Variants in FNDC3B observed in about 807,000 individuals in gnomAD.
The protein encoded by FNDC3B is fibronectin type III domain containing 3B, also known as fibronectin type III domain-containing protein 3B.
FNDC3B carries 12 observed loss-of-function variants against 151.5 expected under a neutral mutation model. The ratio of observed to expected loss-of-function variants is 0.08; its 90% CI spans 0.05 to 0.13. FNDC3B has a LOEUF of 0.13. Ranked by LOEUF, FNDC3B falls within the 10% of genes least tolerant of loss-of-function variation. The probability of loss-of-function intolerance (pLI) is 1.00; values close to 1 mark genes in which losing one functional copy is unlikely to be tolerated. For missense variants in FNDC3B, 1,214 were observed against 1,505.3 expected, an observed-to-expected ratio of 0.81 and a Z score of 3.20; for synonymous variants, 528 against 549.0, an observed-to-expected ratio of 0.96 and a Z score of 0.54.
chr3:172,336,908 G>GAAAAAAAAA (rs796333616), intron 15 of FNDC3B, among the ~76,000 whole-genome samples: 1 of 120,078 alleles, frequency 8.3e-6, no homozygotes, highest in African/African-American at 3.0e-5. Flanking sequence ...ATCTCAGACG[G>GAAAAAAAAA]AAAAAAAAAA....
chr3:172,344,012 G>T (rs1486331303), intron 18 of FNDC3B, 74 bp from the exon 19 acceptor site: 3 of 1,418,062 alleles, frequency 2.1e-6, no homozygotes, highest in Non-Finnish European at 2.9e-6. Context: ...TGCTCAACTT[G>T]TGTGAAATCT....
chr3:172,115,168 T>A (rs1559972669), intron 2 of FNDC3B, among the ~76,000 whole-genome samples: 1 of 152,214 alleles, frequency 6.6e-6, no homozygotes, highest in Non-Finnish European at 1.5e-5. Context: ...CCATCCTGTG[T>A]CTCCTCATTC....
At chr3:172,367,321 G>A (rs1232647839) in intron 23 of FNDC3B, among the ~76,000 whole-genome samples, 18 of 151,926 alleles carry the variant, frequency 1.2e-4, no homozygotes, top group Admixed American at 1.2e-3. Flanking sequence ...GCCTTATGAG[G>A]TATGTGGACT....
chr3:172,109,457 G>A (rs533562445), intron 1 of FNDC3B, among the ~76,000 whole-genome samples: 6 of 151,722 alleles, frequency 4.0e-5, no homozygotes, highest in African/African-American at 7.3e-5. Context: ...TGAGCCCCGC[G>A]CCCGGCCGAA....
intron 6 of FNDC3B, among the ~76,000 whole-genome samples, chr3:172,274,849 G>A (rs556583747): frequency 6.6e-6 from 1 of 152,096 alleles, no homozygotes; most frequent in African/African-American, 2.4e-5. Flanking sequence ...CTCTTCTAAG[G>A]ACACCTGTCA....
At chr3:172,074,317 G>A (rs750438083) in intron 1 of FNDC3B, among the ~76,000 whole-genome samples, 21 of 152,186 alleles carry the variant, frequency 1.4e-4, no homozygotes, top group South Asian at 2.1e-4. Flanking sequence ...TGTGAATTCC[G>A]TAACTCAGAA....
intron 2 of FNDC3B, among the ~76,000 whole-genome samples, chr3:172,117,640 G>A (rs1720331707): frequency 6.6e-6 from 1 of 152,200 alleles, no homozygotes; most frequent in Non-Finnish European, 1.5e-5. Context: ...TGACCTGCAT[G>A]AGAGTAGTGT....
At position 172,278,816 on chromosome 3, in the gene FNDC3B, A is replaced by T. The variant is rs936214350; in HGVS notation, c.791-7110A>T. On this transcript the variant is annotated intron_variant, in intron 6 of 25. Coordinates refer to ENST00000415807, the MANE Select transcript of FNDC3B (RefSeq NM_022763.4). Reference sequence around the variant, plus strand: ...GTGGCGCACACTCGTAATCCCAGCTACTCAGGGGGCTGAGGCAGAAAAATC... The same window carrying T: ...GTGGCGCACACTCGTAATCCCAGCTTCTCAGGGGGCTGAGGCAGAAAAATC... Among the ~76,000 whole-genome samples, 3 of 152,058 alleles carry T rather than the reference A, an allele frequency of 2.0e-5. No individual in the cohort carries two copies. The East Asian group carries it at 5.8e-4, about 29-fold the overall frequency.
intron 3 of FNDC3B, among the ~76,000 whole-genome samples, chr3:172,154,359 G>A (rs1243068651): frequency 1.3e-5 from 2 of 152,120 alleles, no homozygotes; most frequent in Admixed American, 1.3e-4. Flanking sequence ...GGGACTACAG[G>A]TGCGTGCCAC....
chr3:172,307,276 A>G lies in FNDC3B; in HGVS notation c.1062-87A>G, dbSNP rs1032840661. 3 of 1,382,742 alleles carry G rather than the reference A, an allele frequency of 2.2e-6. No individual in the cohort carries two copies. The African/African-American group carries it at 4.3e-5, about 20-fold the overall frequency. 85.7% of individuals were successfully genotyped at this position (1,382,742 alleles called of 1,614,324 possible). On this transcript the variant is annotated intron_variant, in intron 9 of 25. Transcript: ENST00000415807. ...ACTCCGTAAGAAATTCTGTTCATCTACAGAAAGCCTTAGGGTGAAACAAAG... is the reference window on the plus strand; with the variant it reads ...ACTCCGTAAGAAATTCTGTTCATCTGCAGAAAGCCTTAGGGTGAAACAAAG...
chr3:172,359,036 G>A (rs1256999824), intron 22 of FNDC3B, among the ~76,000 whole-genome samples: 4 of 150,162 alleles, frequency 2.7e-5, no homozygotes, highest in Non-Finnish European at 4.4e-5. Context: ...GCGGTGGTGT[G>A]TGTTAAGGCT....
chr3:172,281,348 C>G (rs879488366), intron 6 of FNDC3B, among the ~76,000 whole-genome samples: 1 of 151,956 alleles, frequency 6.6e-6, no homozygotes, highest in South Asian at 2.1e-4. Context: ...CGGGTTCAAG[C>G]GATCTCCTGC....
intron 3 of FNDC3B, among the ~76,000 whole-genome samples, chr3:172,185,932 G>T (rs900482232): frequency 1.3e-5 from 2 of 152,150 alleles, no homozygotes; most frequent in Non-Finnish European, 2.9e-5. Context: ...TGATTTAGGG[G>T]ACCACACTTT....
chr3:172,341,403 GA>G (rs1184296871), intron 17 of FNDC3B, among the ~76,000 whole-genome samples, 172 bp downstream of exon 17: 4 of 152,312 alleles, frequency 2.6e-5, no homozygotes, highest in African/African-American at 9.6e-5. Flanking sequence ...AGAGGTATAA[GA>G]TAGGCCTAAA....
chr3:172,073,257 G>A (rs947555915), intron 1 of FNDC3B, among the ~76,000 whole-genome samples: 1 of 152,160 alleles, frequency 6.6e-6, no homozygotes, highest in African/African-American at 2.4e-5. Flanking sequence ...TGGAGAGAAG[G>A]TTCCTCCCAA....
chr3:172,100,893 A>T (rs559321576), intron 1 of FNDC3B, among the ~76,000 whole-genome samples: 1 of 152,336 alleles, frequency 6.6e-6, no homozygotes, highest in African/African-American at 2.4e-5. Flanking sequence ...ACCATGCAGG[A>T]GTGAGAATCA....
In FNDC3B at chr3:172,152,959, T is replaced by C. The variant is rs114587594; in HGVS notation, c.187+19413T>C. Among the ~76,000 whole-genome samples, 718 of 152,284 alleles carry C rather than the reference T, an allele frequency of 4.7e-3. 6 individuals are homozygous for C. Among genetic ancestry groups the C allele is most frequent in the African/African-American group, 0.017 (697 of 41,548 alleles). ...TGAGGTATTATGATGACATCTGGCA[T>C]GGCTTCTTTGTTTACTGTGTTTACC... On this transcript the variant is annotated intron_variant, in intron 3 of 25. Coordinates refer to ENST00000415807, the MANE Select transcript of FNDC3B (RefSeq NM_022763.4).
In FNDC3B at chr3:172,281,308, C is replaced by T. The variant is rs189644840; in HGVS notation, c.791-4618C>T. ...TTGCCCAGGCTGGAGTGCAGTGGCA[C>T]GATCTCAGCTCACTGCAACCTCCAC... On this transcript the variant is annotated intron_variant, in intron 6 of 25. Coordinates refer to ENST00000415807, the MANE Select transcript of FNDC3B (RefSeq NM_022763.4). Among the ~76,000 whole-genome samples the T allele has an allele frequency of 4.1e-3, 616 of 151,760 alleles. 1 individual carries two copies. The highest frequency in any genetic ancestry group is 0.013 in the African/African-American group (553 of 41,384).
intron 11 of FNDC3B, among the ~76,000 whole-genome samples, chr3:172,318,006 C>T (rs1040858071): frequency 6.6e-6 from 1 of 152,164 alleles, no homozygotes; most frequent in Non-Finnish European, 1.5e-5. Context: ...AAAGGAAGTT[C>T]ACATCTGGAT....
Sources: allele counts gnomAD v4.1 joint callset (sites outside exome capture counted in the v4.1 genomes callset), GRCh38; gene constraint gnomAD v4.1.1; transcripts MANE v1.5; gene names NCBI Gene and HGNC (gene_info 2026-07-23, HGNC 2026-07-21).